SLC30A8: variants seen among roughly 807,000 people sequenced by gnomAD.
The protein encoded by SLC30A8 is solute carrier family 30 member 8, also known as proton-coupled zinc antiporter SLC30A8.
A neutral mutation model predicts 36.9 loss-of-function variants in SLC30A8; 27 were observed. That is an observed-to-expected ratio of 0.73 (90% CI 0.54 to 1.01). The LOEUF is 1.01. SLC30A8 is among the 50% of genes least tolerant of loss of function. The probability of loss-of-function intolerance (pLI) is 0.00; values close to 1 mark genes in which losing one functional copy is unlikely to be tolerated. For missense variants in SLC30A8, 439 were observed against 452.0 expected, an observed-to-expected ratio of 0.97 and a Z score of 0.26; for synonymous variants, 164 against 172.4, an observed-to-expected ratio of 0.95 and a Z score of 0.38.
Position 117,172,639 on chromosome 8 carries a change from C to T in SLC30A8, c.1068C>T (p.Asp356=). Residue 356 remains aspartate (D), a synonymous_variant, in exon 8 of 8, where the codon GAC becomes GAT. Transcript: ENST00000456015. ...CCATTCAGATGGAATCTCCAGTTGA[C>T]CAGGACCCCGACTGCCTTTTCTGTG... is the stretch of plus-strand genomic sequence containing the variant. The part of the protein sequence containing the change: ...SLTIQMESPV[D]QDPDCLFCED... 6.2e-7 allele frequency: 1 copy of T among 1,613,724 alleles called. No homozygotes were observed. The highest frequency in any genetic ancestry group is 8.5e-7 in the Non-Finnish European group (1 of 1,179,714).
At chr8:117,018,675 C>CT (rs34426153) in intron 1 of SLC30A8, among the ~76,000 whole-genome samples, 39,125 of 104,194 alleles carry the variant, frequency 0.38, 6,886 homozygotes, top group South Asian at 0.46. Flanking sequence ...CCCCCCCCCC[C>CT]TTTTTTTTTT....
chr8:117,002,130 A>G (rs1304454027), intron 1 of SLC30A8, among the ~76,000 whole-genome samples: 2 of 152,184 alleles, frequency 1.3e-5, no homozygotes, highest in Non-Finnish European at 2.9e-5. Context: ...ATTCCATCCC[A>G]TTATTACTAG....
chr8:116,984,036 T>C (rs1327560586), intron 1 of SLC30A8, among the ~76,000 whole-genome samples: 1 of 152,160 alleles, frequency 6.6e-6, no homozygotes, highest in Non-Finnish European at 1.5e-5. Context: ...CTGTTATACA[T>C]TTTTATAATT....
chr8:117,051,916 C>T (rs377091412), intron 2 of SLC30A8, among the ~76,000 whole-genome samples: 3 of 152,324 alleles, frequency 2.0e-5, no homozygotes, highest in East Asian at 1.9e-4. Flanking sequence ...CTTTCACCTT[C>T]GGCCATGATT....
chr8:117,097,885 TAA>T (rs1352677938), intron 2 of SLC30A8, among the ~76,000 whole-genome samples: 12 of 93,724 alleles, frequency 1.3e-4, no homozygotes, highest in African/African-American at 5.2e-4. Context: ...TAATTTTAAA[TAA>T]ATATATATTA....
intron 1 of SLC30A8, among the ~76,000 whole-genome samples, chr8:117,015,426 C>T (rs1231762767): frequency 6.6e-6 from 1 of 151,946 alleles, no homozygotes; most frequent in Non-Finnish European, 1.5e-5. Context: ...AGATAAAGGT[C>T]CTTTGAAGGT....
Position 117,160,446 on chromosome 8 carries a change from T to TGTGTGTGTGTGC in SLC30A8, c.573-1291_573-1290insTGTGTGTGTGCG, listed in dbSNP as rs150458118. ...GTGTGTGTGTGTGTGCGCGCACATG[T>TGTGTGTGTGTGC]GCGCGCGGTGGGGGAGTGGGGTGTT... On this transcript the variant is annotated intron_variant, in intron 4 of 7. Transcript: ENST00000456015. 7.4e-3 allele frequency among the ~76,000 whole-genome samples: 1,067 copies of TGTGTGTGTGTGC among 144,452 alleles called. 8 individuals are homozygous for TGTGTGTGTGTGC. The highest frequency in any genetic ancestry group is 0.018 in the South Asian group (82 of 4,478). 94.8% of individuals were successfully genotyped at this position (144,452 alleles called of 152,430 possible).
chr8:117,008,504 T>C lies in SLC30A8; in HGVS notation c.-265-30715T>C, dbSNP rs148054624. Reference sequence around the variant, plus strand: ...CTCTTTGTACCTGCCCCCAAAGTCCTATTCAGAGCAACCTCATTCTGTCTG... The same window carrying C: ...CTCTTTGTACCTGCCCCCAAAGTCCCATTCAGAGCAACCTCATTCTGTCTG... On this transcript the variant is annotated intron_variant, in intron 1 of 10. Coordinates refer to the SLC30A8 transcript ENST00000427715. Among the ~76,000 whole-genome samples, 369 of 152,328 alleles carry C rather than the reference T, an allele frequency of 2.4e-3. 2 individuals carry two copies. Among genetic ancestry groups the C allele is most frequent in the African/African-American group, 8.5e-3 (353 of 41,574 alleles).
chr8:117,083,228 CT>C (rs1818733470), intron 2 of SLC30A8, among the ~76,000 whole-genome samples: 1 of 152,178 alleles, frequency 6.6e-6, no homozygotes, highest in Non-Finnish European at 1.5e-5. Flanking sequence ...CACTTTCCCC[CT>C]TGTGGTGGAT....
intron 1 of SLC30A8, among the ~76,000 whole-genome samples, chr8:116,992,616 T>G (rs1025870395): frequency 3.3e-5 from 5 of 152,236 alleles, no homozygotes; most frequent in African/African-American, 9.6e-5. Flanking sequence ...TCCAGCAGTT[T>G]GTATGCAGTC....
upstream of SLC30A8, among the ~76,000 whole-genome samples, chr8:117,134,187 T>A (rs1032297579): frequency 6.6e-6 from 1 of 151,922 alleles, no homozygotes; most frequent in Non-Finnish European, 1.5e-5. Flanking sequence ...CCCGTGACTC[T>A]GGGCCACTGG....
At chr8:116,977,125 CT>C (rs1459372172) in intron 1 of SLC30A8, among the ~76,000 whole-genome samples, 1 of 105,822 alleles carries the variant, frequency 9.4e-6, no homozygotes, top group Non-Finnish European at 2.0e-5. Flanking sequence ...CCTTTTCTTT[CT>C]TTTTCTTTTT....
At chr8:117,168,246 T>C (rs999637708) in intron 6 of SLC30A8, among the ~76,000 whole-genome samples, 9 of 152,006 alleles carry the variant, frequency 5.9e-5, no homozygotes, top group African/African-American at 2.2e-4. Flanking sequence ...AAAGATACAG[T>C]ATCAATTTCT....
intron 2 of SLC30A8, among the ~76,000 whole-genome samples, chr8:117,048,952 A>G (rs2130768977): frequency 6.6e-6 from 1 of 152,336 alleles, no homozygotes; most frequent in East Asian, 1.9e-4. Context: ...GTCTTCACTG[A>G]TGAGAGTTCA....
intron 7 of SLC30A8, 39 bp from the exon 8 acceptor site, chr8:117,172,497 G>C: frequency 6.2e-7 from 1 of 1,613,152 alleles, no homozygotes; most frequent in Non-Finnish European, 8.5e-7. Flanking sequence ...CCATGCGTGT[G>C]CAATCAGTGC....
At chr8:117,159,190 G>T (rs1382080551) in intron 4 of SLC30A8, among the ~76,000 whole-genome samples, 1 of 152,170 alleles carries the variant, frequency 6.6e-6, no homozygotes, top group Non-Finnish European at 1.5e-5. Context: ...TAATAAGTTT[G>T]TGTTGTTTTA....
chr8:117,023,612 A>G (rs1460305030), intron 1 of SLC30A8, among the ~76,000 whole-genome samples: 2 of 151,944 alleles, frequency 1.3e-5, no homozygotes, highest in Middle Eastern at 3.2e-3. Context: ...TCAGCAAACT[A>G]TCACAAGGAC....
intron 1 of SLC30A8, among the ~76,000 whole-genome samples, chr8:117,014,252 A>C (rs1311604058): frequency 6.6e-6 from 1 of 150,748 alleles, no homozygotes; most frequent in Non-Finnish European, 1.5e-5. Context: ...GTTTCTTTTC[A>C]AGTGTTATCA....
chr8:117,108,682 G>A (rs558947658), intron 2 of SLC30A8, among the ~76,000 whole-genome samples: 1 of 152,294 alleles, frequency 6.6e-6, no homozygotes, highest in East Asian at 1.9e-4. Flanking sequence ...ACATGTTGCT[G>A]GGAACCCTTG....
Sources: gnomAD v4.1 joint callset for allele counts (sites outside exome capture counted in the v4.1 genomes callset) on GRCh38, gnomAD v4.1.1 for gene constraint, MANE v1.5 for transcripts, NCBI Gene and HGNC (gene_info 2026-07-23, HGNC 2026-07-21) for gene names.